FBXL7: variants seen among roughly 807,000 people sequenced by gnomAD.
The protein encoded by FBXL7 is F-box/LRR-repeat protein 7.
A neutral mutation model predicts 38.3 loss-of-function variants in FBXL7; 12 were observed. The observed-to-expected ratio is 0.31, with a 90% CI of 0.20 to 0.51. The LOEUF (loss-of-function observed/expected upper bound fraction) is 0.51. FBXL7 is among the 20% of genes least tolerant of loss of function. FBXL7 has a pLI of 0.98. For missense variants in FBXL7, 567 were observed against 676.4 expected (o/e 0.84, Z 1.79); for synonymous variants, 297 against 300.9 (o/e 0.99, Z 0.13).
intron 2 of FBXL7, among the ~76,000 whole-genome samples, chr5:15,912,515 G>A (rs1055131835): frequency 2.0e-5 from 3 of 149,686 alleles, no homozygotes; most frequent in South Asian, 2.1e-4. Flanking sequence ...GCTGTAGACC[G>A]GAGCTGTTCC....
At chr5:15,935,028 C>T (rs1742139837) in intron 3 of FBXL7, among the ~76,000 whole-genome samples, 1 of 152,160 alleles carries the variant, frequency 6.6e-6, no homozygotes, top group Admixed American at 6.5e-5. Context: ...TTTCTATAAA[C>T]AGATTGGCTC....
rs77869220 is a variant in FBXL7 at position 15,508,567 on chromosome 5, A to G, written c.37+7854A>G. 1.1e-3 allele frequency among the ~76,000 whole-genome samples: 161 copies of G among 152,268 alleles called. 1 individual carries two copies. The highest frequency in any genetic ancestry group is 8.9e-3 in the East Asian group (46 of 5,154). Reference sequence around the variant, plus strand: ...TAATCACAGTGGAGGAGGTTGTGCTAGAGATTTCTGCATTGAGTAAGGGGA... The same window carrying G: ...TAATCACAGTGGAGGAGGTTGTGCTGGAGATTTCTGCATTGAGTAAGGGGA... On this transcript the variant is annotated intron_variant, in intron 1 of 3. Transcript: ENST00000504595.
At chr5:15,633,011 T>C (rs1156284411) in intron 2 of FBXL7, among the ~76,000 whole-genome samples, 1 of 152,056 alleles carries the variant, frequency 6.6e-6, no homozygotes, top group African/African-American at 2.4e-5. Flanking sequence ...AAGTTGAAAT[T>C]GTAAAAAGAA....
intron 2 of FBXL7, among the ~76,000 whole-genome samples, chr5:15,867,385 A>G (rs1454916213): frequency 6.6e-6 from 1 of 152,198 alleles, no homozygotes; most frequent in East Asian, 1.9e-4. Flanking sequence ...CTGTCTTGAC[A>G]GTCCTTCAGT....
chr5:15,664,495 A>G (rs866316125), intron 2 of FBXL7, among the ~76,000 whole-genome samples: 14 of 101,004 alleles, frequency 1.4e-4, no homozygotes, highest in African/African-American at 4.9e-4. Flanking sequence ...TTTTTTTGAG[A>G]CAGTCTTGGT....
At chr5:15,893,696 AC>A (rs1396479815) in intron 2 of FBXL7, among the ~76,000 whole-genome samples, 3 of 152,210 alleles carry the variant, frequency 2.0e-5, no homozygotes, top group Non-Finnish European at 4.4e-5. Context: ...AAAATTAGTC[AC>A]CTGGTTGAAA....
At chr5:15,765,935 G>A (rs1467665062) in intron 2 of FBXL7, among the ~76,000 whole-genome samples, 1 of 152,074 alleles carries the variant, frequency 6.6e-6, no homozygotes, top group Non-Finnish European at 1.5e-5. Flanking sequence ...ACAGTGTACA[G>A]CGGCTTCCTG....
At chr5:15,713,812 AAAG>A (rs1173506568) in intron 2 of FBXL7, among the ~76,000 whole-genome samples, 2 of 152,188 alleles carry the variant, frequency 1.3e-5, no homozygotes, top group Non-Finnish European at 2.9e-5. Flanking sequence ...AGGGTTGGAG[AAAG>A]AAGAATTAGG....
intron 2 of FBXL7, among the ~76,000 whole-genome samples, chr5:15,744,872 C>G (rs1051240574): frequency 6.6e-6 from 1 of 151,940 alleles, no homozygotes; most frequent in Non-Finnish European, 1.5e-5. Flanking sequence ...AGGAGAAGTG[C>G]TGAGCAAAAA....
At chr5:15,858,954 T>C (rs1326415928) in intron 2 of FBXL7, among the ~76,000 whole-genome samples, 1 of 152,202 alleles carries the variant, frequency 6.6e-6, no homozygotes, top group Non-Finnish European at 1.5e-5. Context: ...ACTTAACCAG[T>C]ATTTTTATAT....
At chr5:15,590,891 A>G (rs556166694) in intron 1 of FBXL7, among the ~76,000 whole-genome samples, 47 of 152,278 alleles carry the variant, frequency 3.1e-4, no homozygotes, top group Non-Finnish European at 6.3e-4. Context: ...TTAACCTAAA[A>G]GTTGTATTAT....
intron 2 of FBXL7, among the ~76,000 whole-genome samples, chr5:15,719,347 A>G (rs879263145): frequency 6.7e-6 from 1 of 149,958 alleles, no homozygotes; most frequent in Non-Finnish European, 1.5e-5. Flanking sequence ...TGTAGTGAAT[A>G]TCATTTAATG....
chr5:15,506,705 G>C (rs930559130), intron 1 of FBXL7, among the ~76,000 whole-genome samples: 1 of 151,948 alleles, frequency 6.6e-6, no homozygotes, highest in Non-Finnish European at 1.5e-5. Flanking sequence ...TTGCATGGCT[G>C]TGAGGGAAAG....
chr5:15,830,716 C>A (rs1320873188), intron 2 of FBXL7, among the ~76,000 whole-genome samples: 1 of 152,046 alleles, frequency 6.6e-6, no homozygotes, highest in African/African-American at 2.4e-5. Context: ...TGAGGTTGAA[C>A]CTTTTCTGAT....
At chr5:15,634,313 C>CTTTTTTTTTTTT (rs57823645) in intron 2 of FBXL7, among the ~76,000 whole-genome samples, 1 of 112,274 alleles carries the variant, frequency 8.9e-6, no homozygotes. Context: ...ATGTTCGTTT[C>CTTTTTTTTTTTT]TTTTTTTTTT....
At chr5:15,804,592 C>A (rs1193640662) in intron 2 of FBXL7, among the ~76,000 whole-genome samples, 2 of 152,260 alleles carry the variant, frequency 1.3e-5, no homozygotes, top group Non-Finnish European at 2.9e-5. Context: ...GGTCCCCAAC[C>A]CCTAGGCCGC....
intron 2 of FBXL7, among the ~76,000 whole-genome samples, chr5:15,811,395 C>T (rs1307446131): frequency 6.6e-6 from 1 of 152,078 alleles, no homozygotes; most frequent in African/African-American, 2.4e-5. Context: ...CCTCTTCTCC[C>T]AGTATTTTGA....
intron 2 of FBXL7, among the ~76,000 whole-genome samples, chr5:15,717,113 A>G (rs1361051493): frequency 6.6e-6 from 1 of 152,224 alleles, no homozygotes. Flanking sequence ...TCAAAGACTT[A>G]CAGATAAAGC....
chr5:15,754,104 GCCTGTCTAACATGGTC>G (rs1203871959), intron 2 of FBXL7, among the ~76,000 whole-genome samples: 1 of 152,208 alleles, frequency 6.6e-6, no homozygotes, highest in Non-Finnish European at 1.5e-5. Flanking sequence ...CTGCAAATTT[GCCTGTCTAACATGGTC>G]CCAGGTGATA....
Sources: gnomAD v4.1 joint callset for allele counts (sites outside exome capture counted in the v4.1 genomes callset) on GRCh38, gnomAD v4.1.1 for gene constraint, MANE v1.5 for transcripts, NCBI Gene and HGNC (gene_info 2026-07-23, HGNC 2026-07-21) for gene names.